The following SLC17A1 variants were observed in gnomAD, a reference collection of about 807,000 sequenced individuals.
SLC17A1 encodes sodium-dependent phosphate transport protein 1.
Under a neutral mutation model 53.5 loss-of-function variants are expected in SLC17A1, and 51 were observed. That is an observed-to-expected ratio of 0.95 (90% CI 0.76 to 1.20). SLC17A1 has a LOEUF of 1.20. Ranked by LOEUF, SLC17A1 falls within the 50% of genes most tolerant of loss-of-function variation. The pLI is 0.00. For missense variants in SLC17A1, 538 were observed against 568.2 expected (o/e 0.95, Z 0.54); for synonymous variants, 179 against 198.8 (o/e 0.90, Z 0.84).
chr6:25,812,700 G>A, intron 8 of SLC17A1, 131 bp downstream of exon 8: 1 of 650,798 alleles, frequency 1.5e-6, no homozygotes, highest in East Asian at 2.8e-5. Context: ...GAAACAGTTA[G>A]TTTCCAGGTG....
chr6:25,726,372 C>T, the SLC17A1 span: 1 of 1,614,176 alleles, frequency 6.2e-7, no homozygotes, highest in Non-Finnish European at 8.5e-7. Context: ...ACACTGCCGC[C>T]AAATACACTG....
At chr6:25,727,307 C>A in the SLC17A1 span, 3 of 1,566,834 alleles carry the variant, frequency 1.9e-6, no homozygotes, top group Non-Finnish European at 2.6e-6. Flanking sequence ...GCTAAGTAAA[C>A]GTCATTTCTA....
chr6:25,822,549 T>C (rs556229093), intron 3 of SLC17A1, among the ~76,000 whole-genome samples: 13 of 152,274 alleles, frequency 8.5e-5, no homozygotes, highest in African/African-American at 3.1e-4. Flanking sequence ...AACTGAATTG[T>C]GACAGGAAAT....
At chr6:25,774,942 A>G in the SLC17A1 span, among the ~76,000 whole-genome samples, 1 of 152,210 alleles carries the variant, frequency 6.6e-6, no homozygotes, top group African/African-American at 2.4e-5. Context: ...TATACAACAG[A>G]GGAGTCTCCT....
intron 3 of SLC17A1, 82 bp from the exon 4 acceptor site, chr6:25,819,997 C>G: frequency 2.2e-6 from 2 of 908,106 alleles, no homozygotes; most frequent in Non-Finnish European, 3.4e-6. Context: ...GGAAACTGTT[C>G]TGGCTCACCT....
At chr6:25,770,375 T>TC in the SLC17A1 span, 495 of 1,614,024 alleles carry the variant, frequency 3.1e-4, 5 homozygotes, top group South Asian at 4.6e-3. Flanking sequence ...ATGGAATTTT[T>TC]CCCCCCAGGT....
intron 10 of SLC17A1, among the ~76,000 whole-genome samples, chr6:25,803,175 G>A (rs999708981): frequency 6.6e-6 from 1 of 151,776 alleles, no homozygotes; most frequent in Non-Finnish European, 1.5e-5. Context: ...CTGACCTCAT[G>A]ATCCGCCTGC....
chr6:25,822,292 T>C (rs1183610673), intron 3 of SLC17A1, among the ~76,000 whole-genome samples: 18 of 152,202 alleles, frequency 1.2e-4, no homozygotes, highest in Non-Finnish European at 1.2e-4. Flanking sequence ...ATTTCCTTTT[T>C]TCATTCATCT....
chr6:25,753,554 T>C, the SLC17A1 span, among the ~76,000 whole-genome samples: 4 of 151,892 alleles, frequency 2.6e-5, no homozygotes, highest in African/African-American at 9.7e-5. Flanking sequence ...GTGATAGGAA[T>C]GGAGAAAATA....
the SLC17A1 span, among the ~76,000 whole-genome samples, chr6:25,768,650 G>A: frequency 1.3e-5 from 2 of 152,122 alleles, no homozygotes; most frequent in South Asian, 2.1e-4. Flanking sequence ...ATACCCAATC[G>A]GTCACTGCTC....
the SLC17A1 span, among the ~76,000 whole-genome samples, chr6:25,751,388 C>T: frequency 1.3e-5 from 2 of 152,176 alleles, no homozygotes; most frequent in Non-Finnish European, 2.9e-5. Context: ...CAAAAATTTT[C>T]CCTGGCCCTG....
rs1362367541 is a variant in SLC17A1, at chr6:25,782,983, G to T, written c.*238C>A. 1.3e-5 allele frequency: 2 copies of T among 152,200 alleles called. No individual in the cohort carries two copies. Among genetic ancestry groups the T allele is most frequent in the Non-Finnish European group, 2.9e-5 (2 of 68,036 alleles). The allele number at this position is 152,200 out of a possible 1,614,324, so 9.4% of individuals were successfully genotyped here. ...ATAAAGCAACTGATGCAGAGAGGAA[G>T]ACTGAGATAAATCACCACCCCCATT... is the stretch of plus-strand genomic sequence containing the variant. On this transcript the variant is annotated 3_prime_UTR_variant, in exon 13 of 13. Transcript: ENST00000244527.
At chr6:25,726,707 G>C in the SLC17A1 span, 5 of 1,056,246 alleles carry the variant, frequency 4.7e-6, no homozygotes. Flanking sequence ...TGTCCAATCA[G>C]ATTTTGGATA....
chr6:25,830,283 A>T (rs948571203), intron 2 of SLC17A1, among the ~76,000 whole-genome samples: 6 of 152,178 alleles, frequency 3.9e-5, no homozygotes, highest in Non-Finnish European at 7.4e-5. Context: ...TTTTCCACTA[A>T]ATGATAAACT....
At chr6:25,812,707 G>A in intron 8 of SLC17A1, 124 bp downstream of exon 8, 1 of 668,166 alleles carries the variant, frequency 1.5e-6, no homozygotes, top group Non-Finnish European at 2.5e-6. Flanking sequence ...TTAGTTTCCA[G>A]GTGAAGAGCA....
the SLC17A1 span, among the ~76,000 whole-genome samples, chr6:25,735,142 A>T: frequency 6.6e-5 from 10 of 152,362 alleles, no homozygotes; most frequent in African/African-American, 1.7e-4. Flanking sequence ...TTATATGACA[A>T]GGGATTTTAA....
At chr6:25,830,438 T>C (rs1172541110) in intron 2 of SLC17A1, 86 bp downstream of exon 2, 2 of 1,055,364 alleles carry the variant, frequency 1.9e-6, no homozygotes, top group Admixed American at 3.4e-5. Flanking sequence ...CATATGTATA[T>C]CACAAAAATA....
intron 12 of SLC17A1, among the ~76,000 whole-genome samples, chr6:25,790,325 A>T (rs1561822869): frequency 6.6e-6 from 1 of 152,092 alleles, no homozygotes; most frequent in African/African-American, 2.4e-5. Context: ...AACATTATTC[A>T]CTCGAAGAAT....
chr6:25,821,920 G>T (rs960762533), intron 3 of SLC17A1, among the ~76,000 whole-genome samples: 3 of 151,964 alleles, frequency 2.0e-5, no homozygotes, highest in African/African-American at 7.3e-5. Flanking sequence ...ATGTATCCAG[G>T]TATCAATAGA....
Sources: allele counts gnomAD v4.1 joint callset (sites outside exome capture counted in the v4.1 genomes callset), GRCh38; gene constraint gnomAD v4.1.1; transcripts MANE v1.5; gene names NCBI Gene and HGNC (gene_info 2026-07-23, HGNC 2026-07-21).